KCNT1: variants seen among roughly 807,000 people sequenced by gnomAD.
The protein encoded by KCNT1 is potassium channel subfamily T member 1.
A neutral mutation model predicts 147.8 loss-of-function variants in KCNT1; 78 were observed. The observed-to-expected ratio is 0.53, with a 90% CI of 0.44 to 0.64. The LOEUF (loss-of-function observed/expected upper bound fraction) is 0.64. Ranked by LOEUF, KCNT1 falls within the 30% of genes least tolerant of loss-of-function variation. The probability of loss-of-function intolerance (pLI) is 0.00; values close to 1 mark genes in which losing one functional copy is unlikely to be tolerated. For synonymous variants in KCNT1, 867 were observed against 748.8 expected (o/e 1.16, Z -2.58); for missense variants, 1,419 against 1,750.3 (o/e 0.81, Z 3.38).
rs531712032 is a variant in KCNT1 at position 135,770,974 on chromosome 9, G to A, written c.1887G>A (p.Lys629=). Residue 629 remains lysine, a synonymous_variant, in exon 18 of 31, where the codon AAG becomes AAA. Coordinates refer to ENST00000371757, the MANE Select transcript of KCNT1 (RefSeq NM_020822.3). ...CCTGCTTCTACATCAACATCACCAA[G>A]GAGGAGAACTCGGCCTTCATCTTCA... is the stretch of plus-strand genomic sequence containing the variant. The part of the protein sequence containing the change: ...SDTCFYINIT[K]EENSAFIFKQ... 23 of 1,613,886 alleles carry A rather than the reference G, an allele frequency of 1.4e-5. No homozygotes were observed. Among genetic ancestry groups the A allele is most frequent in the Admixed American group, 3.3e-5 (2 of 59,996 alleles).
rs756962110 is a variant in KCNT1 at position 135,757,287 on chromosome 9, C to A, written c.676-11C>A. ...CCCTGGAGCCCCAGCCCTGACCTGTCCCCTTCACAGATCTTCTGGCCGCCG... is the reference window on the plus strand; with the variant it reads ...CCCTGGAGCCCCAGCCCTGACCTGTACCCTTCACAGATCTTCTGGCCGCCG... On this transcript the variant is annotated splice_polypyrimidine_tract_variant and intron_variant, in intron 8 of 30. Transcript: ENST00000371757. The A allele has an allele frequency of 3.3e-5, 54 of 1,612,652 alleles. No homozygotes were observed. Among genetic ancestry groups the A allele is most frequent in the Non-Finnish European group, 4.4e-5 (52 of 1,179,930 alleles).
At chr9:135,744,864 C>A (rs149420829) in intron 2 of KCNT1, among the ~76,000 whole-genome samples, 1 of 152,338 alleles carries the variant, frequency 6.6e-6, no homozygotes, top group African/African-American at 2.4e-5. Flanking sequence ...TGAGTCTCAC[C>A]GGCCCTGCGT....
At chr9:135,760,183 G>A (rs922240270) in intron 11 of KCNT1, among the ~76,000 whole-genome samples, 2 of 152,160 alleles carry the variant, frequency 1.3e-5, no homozygotes, top group East Asian at 1.9e-4. Flanking sequence ...GTGGACAGCC[G>A]GCCCATTTCC....
At chr9:135,757,628 C>T (rs1295661768) in intron 9 of KCNT1, among the ~76,000 whole-genome samples, 1 of 152,200 alleles carries the variant, frequency 6.6e-6, no homozygotes, top group Non-Finnish European at 1.5e-5. Flanking sequence ...AATGAAATGG[C>T]TGGCAGGAGG....
intron 2 of KCNT1, among the ~76,000 whole-genome samples, chr9:135,718,863 G>A (rs972463508): frequency 3.3e-5 from 5 of 152,224 alleles, no homozygotes; most frequent in Admixed American, 1.3e-4. Flanking sequence ...AGAAGAGCTC[G>A]GCGGGCCATG....
intron 25 of KCNT1, 30 bp from the exon 26 acceptor site, chr9:135,784,504 TC>T: frequency 1.1e-5 from 2 of 177,964 alleles, no homozygotes; most frequent in Non-Finnish European, 1.0e-5. Flanking sequence ...CCTCCCTCCC[TC>T]CCTCCCTCCC....
intron 24 of KCNT1, among the ~76,000 whole-genome samples, 179 bp from the exon 25 acceptor site, chr9:135,783,845 G>A (rs148665779): frequency 1.3e-5 from 2 of 152,356 alleles, no homozygotes; most frequent in African/African-American, 4.8e-5. Context: ...AGGCCTGCCG[G>A]TGTATGCACA....
chr9:135,783,897 G>C (rs931770967), intron 24 of KCNT1, 127 bp from the exon 25 acceptor site: 1 of 701,102 alleles, frequency 1.4e-6, no homozygotes. Flanking sequence ...CACACACCAT[G>C]CACAAATGTG....
In KCNT1 at chr9:135,702,201, AG is replaced by A; in HGVS notation, c.-57del. 1 of 1,237,058 alleles carries A rather than the reference AG, an allele frequency of 8.1e-7. No homozygotes were observed. Among genetic ancestry groups the A allele is most frequent in the Non-Finnish European group, 1.2e-6 (1 of 855,002 alleles). 76.6% of individuals were successfully genotyped at this position (1,237,058 alleles called of 1,614,324 possible). ...ATGTTTTTCAGGGCAACGCGAGGGA[AG>A]AAGGTGGCGGCTCCCACTCGCTTCT... On this transcript the variant is annotated 5_prime_UTR_variant, in exon 1 of 31. Transcript: ENST00000371757.
chr9:135,776,544 G>A (rs1833183870), intron 20 of KCNT1, among the ~76,000 whole-genome samples: 1 of 152,176 alleles, frequency 6.6e-6, no homozygotes, highest in Admixed American at 6.5e-5. Flanking sequence ...TGGGGTTACA[G>A]GCGTGAGCCA....
intron 1 of KCNT1, among the ~76,000 whole-genome samples, chr9:135,704,649 C>G (rs1356907466): frequency 6.6e-6 from 1 of 152,246 alleles, no homozygotes; most frequent in Non-Finnish European, 1.5e-5. Flanking sequence ...CCCTGCCAGG[C>G]CTTTCCTGGA....
chr9:135,709,154 G>A (rs1835377860), intron 1 of KCNT1, among the ~76,000 whole-genome samples: 1 of 152,202 alleles, frequency 6.6e-6, no homozygotes, highest in Non-Finnish European at 1.5e-5. Flanking sequence ...CCTACAAGCT[G>A]GGTGCCCAGA....
At chr9:135,791,688 A>G (rs1344099668) in intron 29 of KCNT1, 109 bp from the exon 30 acceptor site, 1 of 921,184 alleles carries the variant, frequency 1.1e-6, no homozygotes, top group East Asian at 2.4e-5. Context: ...ATGGTCAGGA[A>G]GGCCGGAAAG....
rs964322924 is a variant in KCNT1 at position 135,753,757 on chromosome 9, A to G, written c.435-180A>G. 2.8e-5 allele frequency: 18 copies of G among 636,182 alleles called. No homozygotes were observed. In the South Asian group the frequency reaches 3.2e-4, roughly 11 times the overall value. 39.4% of individuals were successfully genotyped at this position (636,182 alleles called of 1,614,324 possible). A position where few individuals can be genotyped will look rare whatever the true frequency, so the allele number is the denominator to read the frequency against. ...GGCCCTCCTGCAGGATCTCCGCAGTAGGTGGGGAGGGGGCAGGCTGCCTTG... is the reference window on the plus strand; with the variant it reads ...GGCCCTCCTGCAGGATCTCCGCAGTGGGTGGGGAGGGGGCAGGCTGCCTTG... On this transcript the variant is annotated intron_variant, in intron 4 of 30. Coordinates refer to ENST00000371757, the MANE Select transcript of KCNT1 (RefSeq NM_020822.3).
chr9:135,785,965 G>T lies in KCNT1; in HGVS notation c.3178-232G>T, dbSNP rs571302323. The stretch of plus-strand genomic sequence containing the variant: ...AATCCCTTGACCAGGCCCGGGCAGG[G>T]TGGGTGGCCCGGCGATCTGTGCTCA... On this transcript the variant is annotated intron_variant, in intron 28 of 30. Transcript: ENST00000371757. 39 of 569,522 alleles carry T rather than the reference G, an allele frequency of 6.8e-5. No individual in the cohort carries two copies. The African/African-American group carries it at 7.5e-4, about 11-fold the overall frequency. The allele number at this position is 569,522 out of a possible 1,614,324, so 35.3% of individuals were successfully genotyped here.
chr9:135,771,122 C>T (rs780265479), intron 18 of KCNT1, 27 bp downstream of exon 18: 1 of 1,581,344 alleles, frequency 6.3e-7, no homozygotes, highest in Non-Finnish European at 8.6e-7. Context: ...GCGCGGGACT[C>T]CCTGGGCCTG....
chr9:135,711,771 C>T (rs1421705578), intron 1 of KCNT1, among the ~76,000 whole-genome samples: 1 of 152,202 alleles, frequency 6.6e-6, no homozygotes, highest in Non-Finnish European at 1.5e-5. Context: ...CTCAGCTGAG[C>T]GGAGGGGGCA....
chr9:135,785,466 A>G (rs961287585), intron 28 of KCNT1, 136 bp downstream of exon 28: 49 of 1,097,736 alleles, frequency 4.5e-5, no homozygotes, highest in Non-Finnish European at 6.2e-5. Context: ...AGCGGGTCCC[A>G]CGGATGTGTC....
At chr9:135,745,914 A>G (rs191375681) in intron 2 of KCNT1, among the ~76,000 whole-genome samples, 17 of 152,308 alleles carry the variant, frequency 1.1e-4, no homozygotes, top group African/African-American at 3.8e-4. Context: ...TGCCGCAGCA[A>G]GGAGGCTTGG....
Sources: gnomAD v4.1 joint callset for allele counts (sites outside exome capture counted in the v4.1 genomes callset) on GRCh38, gnomAD v4.1.1 for gene constraint, MANE v1.5 for transcripts, NCBI Gene and HGNC (gene_info 2026-07-23, HGNC 2026-07-21) for gene names.